Variants in DYNC2H1 observed in about 807,000 individuals in gnomAD.
DYNC2H1 encodes the protein cytoplasmic dynein 2 heavy chain 1.
DYNC2H1 carries 410 observed loss-of-function variants against 570.0 expected under a neutral mutation model. The ratio of observed to expected loss-of-function variants is 0.72; its 90% CI spans 0.66 to 0.78. The LOEUF is 0.78. DYNC2H1 is among the 30% of genes least tolerant of loss of function. DYNC2H1 has a pLI of 0.00. For synonymous variants in DYNC2H1, 1,688 were observed against 1,677.6 expected, an observed-to-expected ratio of 1.01 and a Z score of -0.15; for missense variants, 4,865 against 5,046.4, an observed-to-expected ratio of 0.96 and a Z score of 1.09.
At chr11:103,148,729 AGGTCC>A (rs1298627219) in intron 20 of DYNC2H1, 112 bp downstream of exon 20, 10 of 1,304,896 alleles carry the variant, frequency 7.7e-6, no homozygotes, top group East Asian at 5.3e-5. Flanking sequence ...CATTATAAGG[AGGTCC>A]ACAATAGTCT....
At chr11:103,308,243 C>A (rs1867397899) in intron 78 of DYNC2H1, among the ~76,000 whole-genome samples, 1 of 152,286 alleles carries the variant, frequency 6.6e-6, no homozygotes. Context: ...ACTGCTTTAG[C>A]TACCTCATTT....
At chr11:103,448,955 C>G (rs1944511645) in intron 85 of DYNC2H1, among the ~76,000 whole-genome samples, 1 of 151,792 alleles carries the variant, frequency 6.6e-6, no homozygotes, top group African/African-American at 2.4e-5. Flanking sequence ...CTACTAGTAG[C>G]ATGTAGAGCT....
In DYNC2H1 at chr11:103,363,241, G is replaced by A. The variant is rs1226693092; in HGVS notation, c.12156+4882G>A. ...AGAATACTTTAATTATTTTGAAGTA[G>A]TTTTCTCCAAAACTCAGCTTCTCTC... On this transcript the variant is annotated intron_variant, in intron 83 of 88. Coordinates refer to ENST00000375735, the MANE Select transcript of DYNC2H1 (RefSeq NM_001377.3). This position sits in a 1 kb window ranked among gnomAD's most constrained non-coding sequence, Gnocchi z 5.6. Among the ~76,000 whole-genome samples the A allele has an allele frequency of 6.6e-6, 1 of 151,982 alleles. No individual in the cohort carries two copies. The highest frequency in any genetic ancestry group is 1.5e-5 in the Non-Finnish European group (1 of 67,992).
Position 103,116,624 on chromosome 11 carries a change from A to G in DYNC2H1, c.676A>G (p.Thr226Ala). ...ACTAGAAGTTGTTGACTTGGTGGAG[A>G]CTACTCAGGATGTTGTAGATGATGT... Reference protein sequence around the residue: ...SLLEVVDLVETTQDVVDDVWR... With the variant: ...SLLEVVDLVEATQDVVDDVWR... The change falls in exon 5 of 89, where the codon ACT becomes GCT. Residue 226 changes from threonine to alanine, a missense_variant. Coordinates refer to ENST00000375735, the MANE Select transcript of DYNC2H1 (RefSeq NM_001377.3). The G allele has an allele frequency of 6.2e-7, 1 of 1,609,076 alleles. No homozygotes were observed.
At chr11:103,473,539 CTT>C (rs1945458125) in intron 88 of DYNC2H1, among the ~76,000 whole-genome samples, 1 of 152,148 alleles carries the variant, frequency 6.6e-6, no homozygotes, top group Non-Finnish European at 1.5e-5. Context: ...AGTAAACAAA[CTT>C]AATAAACACA....
In DYNC2H1 at chr11:103,299,671, C is replaced by T. The variant is rs1591542898; in HGVS notation, c.11096-3422C>T. 6.6e-6 allele frequency among the ~76,000 whole-genome samples: 1 copy of T among 152,092 alleles called. No homozygotes were observed. Among genetic ancestry groups the T allele is most frequent in the South Asian group, 2.1e-4 (1 of 4,826 alleles). Reference sequence around the variant, plus strand: ...TCTTTGACTCTAACAAGAGAAACTGCTCCGCTTTCAAGGGGTCAATTGATT... The same window carrying T: ...TCTTTGACTCTAACAAGAGAAACTGTTCCGCTTTCAAGGGGTCAATTGATT... On this transcript the variant is annotated intron_variant, in intron 75 of 88. Coordinates refer to ENST00000375735, the MANE Select transcript of DYNC2H1 (RefSeq NM_001377.3). This position sits in a 1 kb window ranked among gnomAD's most constrained non-coding sequence, Gnocchi z 4.5.
At chr11:103,306,255 A>G (rs1348871675) in intron 77 of DYNC2H1, among the ~76,000 whole-genome samples, 1 of 152,224 alleles carries the variant, frequency 6.6e-6, no homozygotes, top group African/African-American at 2.4e-5. Flanking sequence ...AAAGACTGGC[A>G]AATACTTGTA....
chr11:103,443,353 A>G (rs1944328898), intron 85 of DYNC2H1, among the ~76,000 whole-genome samples: 1 of 152,010 alleles, frequency 6.6e-6, no homozygotes, highest in Admixed American at 6.6e-5. Flanking sequence ...AAGCAAGGAA[A>G]GTAGTGATTG....
chr11:103,390,093 G>A (rs1425241302), intron 83 of DYNC2H1, among the ~76,000 whole-genome samples: 1 of 152,146 alleles, frequency 6.6e-6, no homozygotes, highest in Non-Finnish European at 1.5e-5. Flanking sequence ...TGTTGACAGT[G>A]GGGTGTTAAA....
At position 103,222,139 on chromosome 11, in the gene DYNC2H1, T is replaced by C. The variant is rs199970220; in HGVS notation, c.9217T>C (p.Ser3073Pro). Residue 3073 changes from serine (S) to proline (P), a missense_variant, in exon 58 of 89, where the codon TCT becomes CCT. By Grantham distance (74) the Ser-to-Pro change is moderately conservative. Transcript: ENST00000375735. The part of the protein sequence containing the change: ...VEELLFKNKG[S>P]FDPKNAKRAS... Reference sequence around the variant, plus strand: ...AGAACTTCTTTTTAAAAATAAAGGCTCTTTTGATCCAAAGGTAATTTTTAA... The same window carrying C: ...AGAACTTCTTTTTAAAAATAAAGGCCCTTTTGATCCAAAGGTAATTTTTAA... The C allele has an allele frequency of 5.0e-5, 78 of 1,560,916 alleles. No homozygotes were observed. Among genetic ancestry groups the C allele is most frequent in the Admixed American group, 1.3e-4 (7 of 53,130 alleles).
chr11:103,120,796 A>G lies in DYNC2H1; in HGVS notation c.1242A>G (p.Pro414=). The G allele has an allele frequency of 6.6e-7, 1 of 1,515,278 alleles. No homozygotes were observed. Among genetic ancestry groups the G allele is most frequent in the Admixed American group, 2.1e-5 (1 of 48,292 alleles). The allele number at this position is 1,515,278 out of a possible 1,614,324, so 93.9% of individuals were successfully genotyped here. The change falls in exon 8 of 89, where the codon CCA becomes CCG. Residue 414 remains proline (P), a synonymous_variant. Transcript: ENST00000375735. ...ATATTTCAGAAATTCAAGACAGTCCACAGCAGGTAAAACATTGAGATATTT... is the reference window on the plus strand; with the variant it reads ...ATATTTCAGAAATTCAAGACAGTCCGCAGCAGGTAAAACATTGAGATATTT... ...KNYISEIQDS[P]QQLLQAFLKY...
chr11:103,154,982 C>T (rs981373203), intron 24 of DYNC2H1, among the ~76,000 whole-genome samples, 173 bp downstream of exon 24: 25 of 151,686 alleles, frequency 1.6e-4, no homozygotes, highest in Non-Finnish European at 3.4e-4. Context: ...TTTCTACTAC[C>T]AATGAGAAAG....
Position 103,186,196 on chromosome 11 carries a change from A to G in DYNC2H1, c.6634-46A>G. ...ACTTGGAAGAATTTTAAAATGTCAC[A>G]CACTCTGGAGTATGTGAAAACTTAT... On this transcript the variant is annotated intron_variant, in intron 41 of 88. Coordinates refer to ENST00000375735, the MANE Select transcript of DYNC2H1 (RefSeq NM_001377.3). This position sits in a 1 kb window ranked among gnomAD's most constrained non-coding sequence, Gnocchi z 4.5. The G allele has an allele frequency of 1.3e-6, 2 of 1,548,814 alleles. No individual in the cohort carries two copies. Among genetic ancestry groups the G allele is most frequent in the Admixed American group, 1.9e-5 (1 of 51,898 alleles).
In DYNC2H1 at chr11:103,173,213, T is replaced by A; in HGVS notation, c.5466T>A (p.Asn1822Lys). Reference protein sequence around the residue: ...FRPVAMSHPDNELIAEVILYS... With the variant: ...FRPVAMSHPDKELIAEVILYS... The stretch of plus-strand genomic sequence containing the variant: ...CCGTAGCTATGTCTCATCCAGACAA[T>A]GAGCTTATTGCAGAAGTTATTCTCT... The change falls in exon 35 of 89, where the codon AAT becomes AAA. Residue 1822 changes from asparagine to lysine, a missense_variant. This residue lies in a region of DYNC2H1 where 292 missense variants were observed against 300.2 expected (regional missense o/e 0.97). Coordinates refer to ENST00000375735, the MANE Select transcript of DYNC2H1 (RefSeq NM_001377.3). 6.2e-7 allele frequency: 1 copy of A among 1,602,030 alleles called. No homozygotes were observed. Among genetic ancestry groups the A allele is most frequent in the Non-Finnish European group, 8.5e-7 (1 of 1,173,914 alleles).
At chr11:103,301,361 A>G (rs375116878) in intron 75 of DYNC2H1, among the ~76,000 whole-genome samples, 98 of 152,066 alleles carry the variant, frequency 6.4e-4, no homozygotes, top group African/African-American at 1.5e-3. Context: ...GATCAAGGCC[A>G]TGTACATTTT....
intron 82 of DYNC2H1, among the ~76,000 whole-genome samples, chr11:103,354,181 C>CAAA (rs71465391): frequency 4.3e-5 from 5 of 117,230 alleles, no homozygotes; most frequent in African/African-American, 1.4e-4. Flanking sequence ...TGTCTCAAAA[C>CAAA]AAAAAAAAAA....
At chr11:103,322,310 G>T (rs749226376) in intron 81 of DYNC2H1, among the ~76,000 whole-genome samples, 2 of 152,096 alleles carry the variant, frequency 1.3e-5, no homozygotes, top group Non-Finnish European at 2.9e-5. Context: ...CAACTCTATT[G>T]TTAGAAGCTT....
intron 26 of DYNC2H1, 120 bp from the exon 27 acceptor site, chr11:103,158,557 T>C: frequency 1.4e-6 from 1 of 705,704 alleles, no homozygotes. Context: ...AGAGGTGTAA[T>C]ACTGTTATAA....
intron 73 of DYNC2H1, 97 bp from the exon 74 acceptor site, chr11:103,286,158 A>G: frequency 6.8e-7 from 1 of 1,472,774 alleles, no homozygotes; most frequent in South Asian, 1.2e-5. Context: ...ATAAACATCA[A>G]CCAATAATTG....
Sources: allele counts gnomAD v4.1 joint callset (sites outside exome capture counted in the v4.1 genomes callset), GRCh38; gene constraint gnomAD v4.1.1; regional missense constraint gnomAD v4.1.1; non-coding constraint Gnocchi (gnomAD v3.1); transcripts MANE v1.5; gene names NCBI Gene and HGNC (gene_info 2026-07-23, HGNC 2026-07-21).